Variants in WDPCP observed in about 807,000 individuals in gnomAD.
WDPCP encodes WD repeat-containing and planar cell polarity effector protein fritz homolog.
WDPCP carries 71 observed loss-of-function variants against 93.1 expected under a neutral mutation model. That is an observed-to-expected ratio of 0.76 (90% CI 0.63 to 0.93). WDPCP has a LOEUF of 0.93. WDPCP is among the 40% of genes least tolerant of loss of function. The pLI is 0.00. For synonymous variants in WDPCP, 315 were observed against 315.0 expected, an observed-to-expected ratio of 1.00 and a Z score of 0.00; for missense variants, 844 against 887.4, an observed-to-expected ratio of 0.95 and a Z score of 0.62.
At chr2:63,752,990 G>A (rs573784590) in intron 2 of WDPCP, among the ~76,000 whole-genome samples, 3 of 151,536 alleles carry the variant, frequency 2.0e-5, no homozygotes, top group African/African-American at 7.3e-5. Flanking sequence ...CCCCGCACCC[G>A]GCCAACTTTT....
rs984453591 is a variant in WDPCP, at chr2:63,806,288, G to A, written n.308+7334C>T. Reference sequence around the variant, plus strand: ...GCGTCCGGGGGGGACATCACATGTCGGTAGGTTCCGTGATGCCCCACAAGC... The same window carrying A: ...GCGTCCGGGGGGGACATCACATGTCAGTAGGTTCCGTGATGCCCCACAAGC... On this transcript the variant is annotated intron_variant and non_coding_transcript_variant, in intron 2 of 4. Transcript: ENST00000467687. Among the ~76,000 whole-genome samples, 7 of 152,096 alleles carry A rather than the reference G, an allele frequency of 4.6e-5. 1 individual carries two copies. The highest frequency in any genetic ancestry group is 4.1e-4 in the South Asian group (2 of 4,832).
At position 63,561,530 on chromosome 2, in the gene WDPCP, T is replaced by C. The variant is rs934354087; in HGVS notation, c.75+26667A>G. Among the ~76,000 whole-genome samples the C allele has an allele frequency of 1.1e-4, 16 of 145,558 alleles. No individual in the cohort carries two copies. In the East Asian group the frequency reaches 1.2e-3, roughly 11 times the overall value. On this transcript the variant is annotated intron_variant, in intron 1 of 17. Transcript: ENST00000272321. Reference sequence around the variant, plus strand: ...TGCAACAAAAGCAAAAATTGACAAATGGGATCTAATGAAACTAAAGAGCTT... The same window carrying C: ...TGCAACAAAAGCAAAAATTGACAAACGGGATCTAATGAAACTAAAGAGCTT...
upstream of WDPCP, chr2:63,588,931 G>T: frequency 1.4e-6 from 2 of 1,475,006 alleles, no homozygotes; most frequent in Non-Finnish European, 9.5e-7. Context: ...CGGGAGCGGA[G>T]CCTTTTCTCG....
intron 2 of WDPCP, among the ~76,000 whole-genome samples, chr2:63,795,604 AAGAAAGAAAGAAAG>A (rs1670604115): frequency 6.6e-6 from 1 of 151,904 alleles, no homozygotes; most frequent in African/African-American, 2.4e-5. Context: ...AAAGAAAGAA[AAGAAAGAAAGAAAG>A]AGAAAGAAAG....
chr2:63,341,849 C>T (rs1688863302), intron 12 of WDPCP, among the ~76,000 whole-genome samples: 1 of 152,072 alleles, frequency 6.6e-6, no homozygotes, highest in Admixed American at 6.5e-5. Flanking sequence ...TTAGTACAGC[C>T]ACCCCACCTC....
intron 1 of WDPCP, among the ~76,000 whole-genome samples, chr2:63,526,088 C>A (rs999652571): frequency 1.3e-5 from 2 of 151,912 alleles, no homozygotes; most frequent in African/African-American, 4.8e-5. Context: ...TGTACACACA[C>A]ATACATGTGC....
chr2:63,285,171 C>G (rs906321529), intron 13 of WDPCP, among the ~76,000 whole-genome samples: 3 of 152,270 alleles, frequency 2.0e-5, no homozygotes, highest in Admixed American at 1.3e-4. Context: ...TGGCTCATGC[C>G]TATAATCCCA....
At chr2:63,710,237 A>T (rs1019299015) in intron 2 of WDPCP, among the ~76,000 whole-genome samples, 1 of 152,166 alleles carries the variant, frequency 6.6e-6, no homozygotes, top group Admixed American at 6.5e-5. Flanking sequence ...AAAATGGAGG[A>T]AAGTAAGATC....
chr2:63,800,900 A>G (rs945206389), intron 2 of WDPCP, among the ~76,000 whole-genome samples: 1 of 152,018 alleles, frequency 6.6e-6, no homozygotes, highest in African/African-American at 2.4e-5. Flanking sequence ...CAAAAAACTT[A>G]AAAATTAGCC....
At chr2:63,522,455 GACACACACACACACACACAC>G (rs112008719) in intron 1 of WDPCP, among the ~76,000 whole-genome samples, 3 of 127,216 alleles carry the variant, frequency 2.4e-5, no homozygotes, top group Admixed American at 1.7e-4. Context: ...CAGACAGACA[GACACACACACACACACACAC>G]ACACACACAC....
At chr2:63,403,920 T>C (rs1354607254) in intron 10 of WDPCP, 128 bp downstream of exon 10, 2 of 1,332,838 alleles carry the variant, frequency 1.5e-6, no homozygotes, top group Non-Finnish European at 2.1e-6. Flanking sequence ...ATATGGATAT[T>C]TGAAAGGCAA....
intron 2 of WDPCP, among the ~76,000 whole-genome samples, chr2:63,759,938 C>A (rs1388052449): frequency 6.6e-6 from 1 of 152,130 alleles, no homozygotes; most frequent in East Asian, 1.9e-4. Context: ...CAACCCTCCC[C>A]AAGCCTACAC....
chr2:63,121,682 TTTTAA>T lies in WDPCP; in HGVS notation c.*319_*323del, dbSNP rs1333653296. The T allele has an allele frequency of 2.6e-6, 1 of 386,982 alleles. No individual in the cohort carries two copies. The allele number at this position is 386,982 out of a possible 1,614,324, so 24.0% of individuals were successfully genotyped here. ...CTATGCCTGCCCCCTACTGCCCCTT[TTTTAA>T]AGTACCTGGGAGAACAAAGTTTAAA... On this transcript the variant is annotated 3_prime_UTR_variant, in exon 18 of 18. Coordinates refer to ENST00000272321, the MANE Select transcript of WDPCP (RefSeq NM_015910.7).
At chr2:63,161,778 T>C (rs1344888025) in intron 15 of WDPCP, among the ~76,000 whole-genome samples, 1 of 151,884 alleles carries the variant, frequency 6.6e-6, no homozygotes, top group Non-Finnish European at 1.5e-5. Flanking sequence ...TTTTTTTTTT[T>C]TTTGACACGG....
chr2:63,269,793 T>C (rs892584438), intron 13 of WDPCP, among the ~76,000 whole-genome samples: 7 of 152,174 alleles, frequency 4.6e-5, no homozygotes, highest in African/African-American at 1.4e-4. Context: ...TTCAAATCCA[T>C]TGATAATTGA....
Position 63,314,557 on chromosome 2 carries a change from C to G in WDPCP, c.1749-1246G>C, listed in dbSNP as rs1375216323. ...TCTATAAATTGCCCTTCCTTGAAAC[C>G]CTCTCCTACCTTGGCTTGCCCTGCT... On this transcript the variant is annotated intron_variant, in intron 12 of 17. Coordinates refer to ENST00000272321, the MANE Select transcript of WDPCP (RefSeq NM_015910.7). Among the ~76,000 whole-genome samples the G allele has an allele frequency of 3.9e-5, 6 of 152,052 alleles. No homozygotes were observed. The East Asian group carries it at 1.2e-3, about 29-fold the overall frequency.
chr2:63,751,641 G>A, intron 2 of WDPCP: 8 of 483,466 alleles, frequency 1.7e-5, no homozygotes, highest in South Asian at 1.3e-4. Context: ...TAGCTTCCAT[G>A]TCCCTTCTCT....
At chr2:63,378,980 C>G (rs953210870) in intron 11 of WDPCP, among the ~76,000 whole-genome samples, 1 of 152,062 alleles carries the variant, frequency 6.6e-6, no homozygotes, top group African/African-American at 2.4e-5. Flanking sequence ...AAATATATCT[C>G]TATTGCAATT....
chr2:63,744,511 C>A (rs1205479979), intron 2 of WDPCP, among the ~76,000 whole-genome samples: 1 of 152,078 alleles, frequency 6.6e-6, no homozygotes, highest in Non-Finnish European at 1.5e-5. Flanking sequence ...ATTAGTCAGA[C>A]CAAGGACACA....
Sources: allele counts gnomAD v4.1 joint callset (sites outside exome capture counted in the v4.1 genomes callset), GRCh38; gene constraint gnomAD v4.1.1; transcripts MANE v1.5; gene names NCBI Gene and HGNC (gene_info 2026-07-23, HGNC 2026-07-21).